Variants in PXN observed in about 807,000 individuals in gnomAD.
PXN encodes testicular tissue protein Li 134.
A neutral mutation model predicts 103.6 loss-of-function variants in PXN; 61 were observed. The observed-to-expected ratio is 0.59, with a 90% CI of 0.48 to 0.73. The LOEUF (loss-of-function observed/expected upper bound fraction) is 0.73. Among genes scored for constraint, PXN ranks in the 30% least tolerant of loss-of-function variants. The pLI, the probability that PXN is intolerant of heterozygous loss-of-function variation, is 0.00. For synonymous variants in PXN, 562 were observed against 607.8 expected (o/e 0.92, Z 1.11); for missense variants, 1,274 against 1,460.3 (o/e 0.87, Z 2.08).
chr12:120,259,424 G>A (rs982235115), intron 1 of PXN, among the ~76,000 whole-genome samples: 10 of 152,070 alleles, frequency 6.6e-5, no homozygotes, highest in Non-Finnish European at 2.9e-5. Flanking sequence ...AAAATAAGTT[G>A]CAAGACATCA....
Position 120,215,265 on chromosome 12 carries a change from G to C in PXN, c.2412C>G (p.Ala804=). ...GTGAGCTGCTCCCTGTCTTCCCCTG[G>C]GCCATGAACTGTGGACACGGAGGGG... ...PGGQDEGGFM[A]QGKTGSSSPP... is the part of the protein sequence containing the mutation. Residue 804 remains alanine (A), a synonymous_variant, in exon 11 of 15, where the codon GCC becomes GCG. Transcript: ENST00000637617. The surrounding 1 kb of genome is among the most constrained non-coding windows in gnomAD (Gnocchi z 4.9). 1.3e-6 allele frequency: 2 copies of C among 1,585,946 alleles called. No individual in the cohort carries two copies. Among genetic ancestry groups the C allele is most frequent in the Non-Finnish European group, 1.7e-6 (2 of 1,167,412 alleles).
In PXN at chr12:120,212,365, C is replaced by T; in HGVS notation, c.3195G>A (p.Glu1065=). The T allele has an allele frequency of 5.0e-6, 8 of 1,614,010 alleles. No individual in the cohort carries two copies. Among genetic ancestry groups the T allele is most frequent in the Non-Finnish European group, 6.8e-6 (8 of 1,179,892 alleles). The change falls in exon 15 of 15, where the codon GAG becomes GAA. Residue 1065 remains glutamate, a synonymous_variant. Transcript: ENST00000637617. This position sits in a 1 kb window ranked among gnomAD's most constrained non-coding sequence, Gnocchi z 7.2. ...TCTGACAGTAAGGCTTGTCGTTCTGCTCCTTGAAGGTGCCCTTGTTGAGCT... is the reference window on the plus strand; with the variant it reads ...TCTGACAGTAAGGCTTGTCGTTCTGTTCCTTGAAGGTGCCCTTGTTGAGCT... ...LKQLNKGTFK[E]QNDKPYCQNC...
At chr12:120,242,121 A>G (rs1890254648) in intron 1 of PXN, among the ~76,000 whole-genome samples, 2 of 152,152 alleles carry the variant, frequency 1.3e-5, no homozygotes, top group Admixed American at 6.5e-5. Flanking sequence ...GCAGAGCCAC[A>G]GTGTTCCCTG....
chr12:120,232,793 C>T (rs758013442), intron 1 of PXN, among the ~76,000 whole-genome samples: 11 of 152,068 alleles, frequency 7.2e-5, no homozygotes, highest in Non-Finnish European at 1.6e-4. Context: ...CTGAGATGAG[C>T]TGCAGTTTTT....
At chr12:120,227,149 A>T (rs1887029002) in intron 1 of PXN, 2 of 987,774 alleles carry the variant, frequency 2.0e-6, no homozygotes, top group South Asian at 9.1e-5. Flanking sequence ...ATAAAGTAAC[A>T]TTCAAATTGT....
At position 120,222,504 on chromosome 12, in the gene PXN, T is replaced by G. The variant is rs1296944435; in HGVS notation, c.695+45A>C. 9 of 1,536,970 alleles carry G rather than the reference T, an allele frequency of 5.9e-6. No homozygotes were observed. The South Asian group carries it at 1.1e-4, about 19-fold the overall frequency. On this transcript the variant is annotated intron_variant, in intron 5 of 14. Coordinates refer to ENST00000637617, the MANE Select transcript of PXN (RefSeq NM_001385981.1). The surrounding 1 kb of genome is among the most constrained non-coding windows in gnomAD (Gnocchi z 4.7). ...GACAGACACTGGACCCGGGGCAGGC[T>G]GGGCCAGCCCTTCCCCACCTGGGGA...
Position 120,215,181 on chromosome 12 carries a change from C to A in PXN, c.2496G>T (p.Gln832His), listed in dbSNP as rs778329311. The A allele has an allele frequency of 1.9e-6, 3 of 1,588,640 alleles. No individual in the cohort carries two copies. The highest frequency in any genetic ancestry group is 2.6e-6 in the Non-Finnish European group (3 of 1,166,364). ...SQLDSMLGSL[Q>H]SDLNKLGVAT... Reference sequence around the variant, plus strand: ...CGACCCCCAGCTTGTTCAGGTCAGACTGCAGGCTCCCCAGCATGCTGTCCA... The same window carrying A: ...CGACCCCCAGCTTGTTCAGGTCAGAATGCAGGCTCCCCAGCATGCTGTCCA... Residue 832 changes from glutamine (Q) to histidine (H), a missense_variant, in exon 11 of 15, where the codon CAG (glutamine) becomes CAT (histidine). Gln to His is a conservative substitution (Grantham distance 24). Transcript: ENST00000637617. This position sits in a 1 kb window ranked among gnomAD's most constrained non-coding sequence, Gnocchi z 4.9.
In PXN at chr12:120,224,147, T is replaced by A; in HGVS notation, c.240+4A>T. 6.4e-7 allele frequency: 1 copy of A among 1,562,244 alleles called. No homozygotes were observed. The highest frequency in any genetic ancestry group is 8.7e-7 in the Non-Finnish European group (1 of 1,151,906). Reference sequence around the variant, plus strand: ...GGCCTTCCCAGCCACTGTCCCCGCCTCACCTGCTGGTGGATGAATCGGGAG... The same window carrying A: ...GGCCTTCCCAGCCACTGTCCCCGCCACACCTGCTGGTGGATGAATCGGGAG... On this transcript the variant is annotated splice_donor_region_variant and intron_variant, in intron 2 of 14. Coordinates refer to ENST00000637617, the MANE Select transcript of PXN (RefSeq NM_001385981.1). This position sits in a 1 kb window ranked among gnomAD's most constrained non-coding sequence, Gnocchi z 5.0.
At chr12:120,238,384 C>T (rs1249222781) in intron 1 of PXN, among the ~76,000 whole-genome samples, 1 of 152,126 alleles carries the variant, frequency 6.6e-6, no homozygotes, top group Non-Finnish European at 1.5e-5. Flanking sequence ...GTGCCTGTGC[C>T]CGGGGGTTCA....
Position 120,212,770 on chromosome 12 carries a change from G to C in PXN, c.2980-190C>G, listed in dbSNP as rs771721669. 1 of 595,788 alleles carries C rather than the reference G, an allele frequency of 1.7e-6. No homozygotes were observed. Among genetic ancestry groups the C allele is most frequent in the Non-Finnish European group, 2.7e-6 (1 of 366,020 alleles). The allele number at this position is 595,788 out of a possible 1,614,324, so 36.9% of individuals were successfully genotyped here. A position where few individuals can be genotyped will look rare whatever the true frequency, so the allele number is the denominator to read the frequency against. ...TTATTAAATAAATTTTTTTTGTAGAGATGGGGGTCTCACTATATTGCCCAT... is the reference window on the plus strand; with the variant it reads ...TTATTAAATAAATTTTTTTTGTAGACATGGGGGTCTCACTATATTGCCCAT... On this transcript the variant is annotated intron_variant, in intron 14 of 14. Transcript: ENST00000637617. This position sits in a 1 kb window ranked among gnomAD's most constrained non-coding sequence, Gnocchi z 7.2.
rs1166529419 is a variant in PXN at position 120,225,602 on chromosome 12, G to A, written c.14-1225C>T. ...AGAGGTGTTTGCTCCAAATAACAAAGCCAGTGAGTGGCACAATTGTCTGAC... is the reference window on the plus strand; with the variant it reads ...AGAGGTGTTTGCTCCAAATAACAAAACCAGTGAGTGGCACAATTGTCTGAC... On this transcript the variant is annotated intron_variant, in intron 1 of 14. Coordinates refer to ENST00000637617, the MANE Select transcript of PXN (RefSeq NM_001385981.1). The surrounding 1 kb of genome is among the most constrained non-coding windows in gnomAD (Gnocchi z 4.4). 6.6e-6 allele frequency among the ~76,000 whole-genome samples: 1 copy of A among 152,138 alleles called. No homozygotes were observed. Among genetic ancestry groups the A allele is most frequent in the Non-Finnish European group, 1.5e-5 (1 of 68,018 alleles).
intron 1 of PXN, among the ~76,000 whole-genome samples, chr12:120,248,346 TCTC>T (rs1439383055): frequency 1.2e-4 from 18 of 151,802 alleles, no homozygotes; most frequent in Non-Finnish European, 8.8e-5. Flanking sequence ...ACACCACACT[TCTC>T]CTGGGGTCAT....
Position 120,222,699 on chromosome 12 carries a change from C to A in PXN, c.545G>T (p.Gly182Val). ...PLPGALSPLY[G>V]VPETNSPLGG... ...CAAGGGGCTGTTAGTCTCTGGGACA[C>A]CATAGAGGGGGCTCAGGGCCCCAGG... Residue 182 changes from glycine (G) to valine (V), a missense_variant, in exon 5 of 15, where the codon GGT (glycine) becomes GTT (valine). Gly to Val is a moderately radical substitution (Grantham distance 109). Coordinates refer to ENST00000637617, the MANE Select transcript of PXN (RefSeq NM_001385981.1). The surrounding 1 kb of genome is among the most constrained non-coding windows in gnomAD (Gnocchi z 4.7). The A allele has an allele frequency of 1.9e-6, 3 of 1,609,750 alleles. No homozygotes were observed. Among genetic ancestry groups the A allele is most frequent in the Non-Finnish European group, 2.5e-6 (3 of 1,178,242 alleles).
intron 1 of PXN, among the ~76,000 whole-genome samples, chr12:120,260,085 A>G (rs1216692152): frequency 6.6e-6 from 1 of 152,192 alleles, no homozygotes; most frequent in African/African-American, 2.4e-5. Context: ...TGGTGCTGTA[A>G]GCTCACTGCT....
chr12:120,221,508 G>A lies in PXN; in HGVS notation c.831+115C>T, dbSNP rs1445274350. ...GGGCATGACAGTGTCCCTGGCTCAG[G>A]GGCAAGGCACCCAAACACTGAGATG... is the stretch of plus-strand genomic sequence containing the variant. On this transcript the variant is annotated intron_variant, in intron 6 of 14. Coordinates refer to ENST00000637617, the MANE Select transcript of PXN (RefSeq NM_001385981.1). This position sits in a 1 kb window ranked among gnomAD's most constrained non-coding sequence, Gnocchi z 6.6. 12 of 1,254,232 alleles carry A rather than the reference G, an allele frequency of 9.6e-6. No homozygotes were observed. The highest frequency in any genetic ancestry group is 2.6e-5 in the East Asian group (1 of 38,722). The allele number at this position is 1,254,232 out of a possible 1,614,324, so 77.7% of individuals were successfully genotyped here.
chr12:120,263,862 C>G (rs1894260868), intron 1 of PXN, among the ~76,000 whole-genome samples: 1 of 152,178 alleles, frequency 6.6e-6, no homozygotes, highest in African/African-American at 2.4e-5. Context: ...AAGACTTTCT[C>G]AGTCCTTGAA....
chr12:120,226,735 C>T (rs1886958311), intron 1 of PXN: 11 of 1,094,580 alleles, frequency 1.0e-5, no homozygotes, highest in Non-Finnish European at 1.2e-5. Context: ...TCGAGCCAGA[C>T]CTGAGTTCAA....
Position 120,217,061 on chromosome 12 carries a change from CG to C in PXN, c.1771del (p.Arg591GlyfsTer14). ...CAGCCGGCGGCGAGGGGAGGGCTCCCGGGACATGGGGTGTGCGTGGCCAGAC... is the reference window on the plus strand; with the variant it reads ...CAGCCGGCGGCGAGGGGAGGGCTCCCGGACATGGGGTGTGCGTGGCCAGAC... ...WESGHAHPMS[R>X]EPSPRRRLDP... On this transcript the variant is annotated frameshift_variant, in exon 8 of 15. Transcript: ENST00000637617. LOFTEE classifies it high-confidence loss of function. This position sits in a 1 kb window ranked among gnomAD's most constrained non-coding sequence, Gnocchi z 4.1. 1.3e-6 allele frequency: 2 copies of C among 1,591,506 alleles called. No homozygotes were observed. The highest frequency in any genetic ancestry group is 1.7e-6 in the Non-Finnish European group (2 of 1,177,312).
rs1408455824 is a variant in PXN, at chr12:120,229,751, C to A, written c.14-5374G>T. On this transcript the variant is annotated intron_variant, in intron 1 of 14. Transcript: ENST00000637617. This position sits in a 1 kb window ranked among gnomAD's most constrained non-coding sequence, Gnocchi z 4.0. ...CCCTAGGAGGGGAAAGAAATCACCT[C>A]CCCGTCCTATCCAATCCCTGAGGGC... Among the ~76,000 whole-genome samples the A allele has an allele frequency of 6.6e-6, 1 of 152,184 alleles. No homozygotes were observed. The highest frequency in any genetic ancestry group is 2.4e-5 in the African/African-American group (1 of 41,434).
Sources: allele counts gnomAD v4.1 joint callset (sites outside exome capture counted in the v4.1 genomes callset), GRCh38; gene constraint gnomAD v4.1.1; non-coding constraint Gnocchi (gnomAD v3.1); transcripts MANE v1.5; gene names NCBI Gene and HGNC (gene_info 2026-07-23, HGNC 2026-07-21).